PDLIM7: variants seen among roughly 807,000 people sequenced by gnomAD.
PDLIM7 encodes the protein PDZ and LIM domain 7.
A neutral mutation model predicts 53.9 loss-of-function variants in PDLIM7; 37 were observed. The observed-to-expected ratio is 0.69, with a 90% CI of 0.53 to 0.90. The LOEUF is 0.90. Ranked by LOEUF, PDLIM7 falls within the 40% of genes least tolerant of loss-of-function variation. The pLI is 0.00. For synonymous variants in PDLIM7, 300 were observed against 261.3 expected, an observed-to-expected ratio of 1.15 and a Z score of -1.43; for missense variants, 617 against 638.5, an observed-to-expected ratio of 0.97 and a Z score of 0.36.
rs779365845 is a variant in PDLIM7, at chr5:177,496,525, TGAGAG to T, written c.-11-7_-11-3del. 5.7e-6 allele frequency: 9 copies of T among 1,574,212 alleles called. No individual in the cohort carries two copies. The highest frequency in any genetic ancestry group is 1.8e-5 in the Admixed American group (1 of 54,776). On this transcript the variant is annotated splice_region_variant and splice_polypyrimidine_tract_variant and intron_variant, in intron 1 of 12. Coordinates refer to ENST00000355841, the MANE Select transcript of PDLIM7 (RefSeq NM_005451.5). The stretch of plus-strand genomic sequence containing the variant: ...TGAAGGAATCCATGATGCCGGCTCC[TGAGAG>T]GAGAGAAGAGAAGGTGAGTGGCCAG...
intron 10 of PDLIM7, 57 bp from the exon 11 acceptor site, chr5:177,484,247 T>G (rs1581749625): frequency 6.3e-7 from 1 of 1,598,226 alleles, no homozygotes; most frequent in Non-Finnish European, 8.5e-7. Context: ...CTGCCCTGGG[T>G]CACGGGAACA....
At chr5:177,492,498 G>A (rs374975976) in intron 3 of PDLIM7, 28 bp downstream of exon 3, 23 of 1,613,564 alleles carry the variant, frequency 1.4e-5, no homozygotes, top group African/African-American at 6.7e-5. Flanking sequence ...GCCAGCGCGG[G>A]CGCACCCATC....
chr5:177,493,723 G>A (rs576604388), intron 2 of PDLIM7, among the ~76,000 whole-genome samples: 44 of 152,234 alleles, frequency 2.9e-4, no homozygotes, highest in African/African-American at 1.0e-3. Context: ...GCTTGACTGG[G>A]TCCAAGCCTA....
chr5:177,496,375 G>A (rs751882127), intron 2 of PDLIM7, 42 bp downstream of exon 2: 51 of 1,457,380 alleles, frequency 3.5e-5, no homozygotes, highest in South Asian at 3.0e-4. Flanking sequence ...CCTAAGCACC[G>A]AAAGACCGCT....
At chr5:177,490,417 T>C in intron 7 of PDLIM7, 1 of 1,506,752 alleles carries the variant, frequency 6.6e-7, no homozygotes, top group South Asian at 1.2e-5. Context: ...AGGCAGAAGC[T>C]GGAGGCACTA....
intron 5 of PDLIM7, chr5:177,491,545 T>G (rs1273024887): frequency 8.6e-6 from 7 of 814,492 alleles, no homozygotes; most frequent in Non-Finnish European, 1.5e-5. Context: ...GGGGCTCAGC[T>G]GGCCCGACAC....
chr5:177,491,800 G>A lies in PDLIM7; in HGVS notation c.398+7C>T, dbSNP rs1404085339. On this transcript the variant is annotated splice_region_variant and intron_variant, in intron 5 of 12. Transcript: ENST00000355841. Reference sequence around the variant, plus strand: ...GCGTGGGCGCGGGCGGGCAGGGGCCGACGTACCCATTCTGCTGCGGGGCGC... The same window carrying A: ...GCGTGGGCGCGGGCGGGCAGGGGCCAACGTACCCATTCTGCTGCGGGGCGC... The A allele has an allele frequency of 9.6e-6, 12 of 1,245,240 alleles. No homozygotes were observed. In the African/African-American group the frequency reaches 1.7e-4, roughly 18 times the overall value. 77.1% of individuals were successfully genotyped at this position (1,245,240 alleles called of 1,614,324 possible).
At chr5:177,484,261 G>A (rs1030406430) in intron 10 of PDLIM7, 71 bp from the exon 11 acceptor site, 36 of 1,582,148 alleles carry the variant, frequency 2.3e-5, no homozygotes, top group Admixed American at 3.4e-5. Flanking sequence ...GGGAACACAG[G>A]AGGGCTGGCC....
rs573434723 is a variant in PDLIM7 at position 177,490,712 on chromosome 5, G to GGGAAGGAAGGAA, written c.572+146_572+157dup. On this transcript the variant is annotated intron_variant, in intron 7 of 12. Transcript: ENST00000355841. Reference sequence around the variant, plus strand: ...AATGAAAGAAGGAAGGAAGGAGGAAGGGAAGGAAGGAAGGAAGGAAGGAAG... The same window carrying GGGAAGGAAGGAA: ...AATGAAAGAAGGAAGGAAGGAGGAAGGGAAGGAAGGAAGGAAGGAAGGAAGGAAGGAAGGAAG... The GGGAAGGAAGGAA allele has an allele frequency of 4.6e-4, 292 of 631,010 alleles. 1 individual carries two copies. The African/African-American group carries it at 5.4e-3, about 12-fold the overall frequency. The allele number at this position is 631,010 out of a possible 1,614,324, so 39.1% of individuals were successfully genotyped here. A position where few individuals can be genotyped will look rare whatever the true frequency, so the allele number is the denominator to read the frequency against.
At position 177,497,542 on chromosome 5, in the gene PDLIM7, C is replaced by T. The variant is rs901804470; in HGVS notation, c.-26G>A. On this transcript the variant is annotated 5_prime_UTR_variant, in exon 1 of 13. Transcript: ENST00000355841. ...GTCGTCGATACCTGCTTGGCCCGGC[C>T]AGGGCGCTGCTCTGCGTCGGGCTCC... 2.6e-5 allele frequency: 4 copies of T among 152,356 alleles called. No individual in the cohort carries two copies. Among genetic ancestry groups the T allele is most frequent in the African/African-American group, 9.6e-5 (4 of 41,468 alleles). 9.4% of individuals were successfully genotyped at this position (152,356 alleles called of 1,614,324 possible).
intron 5 of PDLIM7, 35 bp from the exon 6 acceptor site, chr5:177,491,181 G>A: frequency 1.9e-6 from 3 of 1,576,056 alleles, no homozygotes; most frequent in Non-Finnish European, 2.6e-6. Context: ...CCCCACACTG[G>A]GGGTGGGCGG....
At chr5:177,487,986 G>GT in intron 10 of PDLIM7, 82 bp downstream of exon 10, 1 of 1,403,780 alleles carries the variant, frequency 7.1e-7, no homozygotes, top group Non-Finnish European at 9.7e-7. Flanking sequence ...CTCGGGGAGA[G>GT]ACCTGGACTG....
At chr5:177,490,698 G>A (rs1189001073) in intron 7 of PDLIM7, 172 bp downstream of exon 7, 1 of 944,988 alleles carries the variant, frequency 1.1e-6, no homozygotes, top group African/African-American at 1.7e-5. Context: ...ATGAAAGAAG[G>A]AAGGAAGGAG....
At position 177,492,426 on chromosome 5, in the gene PDLIM7, C is replaced by A; in HGVS notation, c.258G>T (p.Pro86=). The change falls in exon 4 of 13, where the codon CCG becomes CCT. Residue 86 remains proline (P), a synonymous_variant. Coordinates refer to ENST00000355841, the MANE Select transcript of PDLIM7 (RefSeq NM_005451.5). ...RLSLGLSRAQ[P]VQSKPQKASA... ...GTACCTTCTGCGGTTTGCTCTGAAC[C>A]GGCTGGGCCCTGGAGGAGAAGGAAA... 1 of 1,613,606 alleles carries A rather than the reference C, an allele frequency of 6.2e-7. No homozygotes were observed. The highest frequency in any genetic ancestry group is 8.5e-7 in the Non-Finnish European group (1 of 1,179,760).
In PDLIM7 at chr5:177,483,733, A is replaced by G. The variant is rs1480695633; in HGVS notation, c.1288-3T>C. On this transcript the variant is annotated splice_region_variant and splice_polypyrimidine_tract_variant and intron_variant, in intron 12 of 12. Coordinates refer to ENST00000355841, the MANE Select transcript of PDLIM7 (RefSeq NM_005451.5). ...CCTTCCAGGTTGATCTGACATATCT[A>G]AGGACAGCAAAGGCCCAGTCACATG... The G allele has an allele frequency of 6.2e-7, 1 of 1,609,910 alleles. No individual in the cohort carries two copies. The highest frequency in any genetic ancestry group is 1.3e-5 in the African/African-American group (1 of 74,826).
intron 7 of PDLIM7, chr5:177,490,449 G>A (rs1311745451): frequency 2.0e-6 from 3 of 1,536,444 alleles, no homozygotes; most frequent in South Asian, 1.2e-5. Context: ...TGGGCAGGAG[G>A]AACAGAAAGA....
In PDLIM7 at chr5:177,496,519, G is replaced by C. The variant is rs142330134; in HGVS notation, c.-7C>G. ...CTACTTTGAAGGAATCCATGATGCC[G>C]GCTCCTGAGAGGAGAGAAGAGAAGG... On this transcript the variant is annotated 5_prime_UTR_variant, in exon 2 of 13. Transcript: ENST00000355841. 1.9e-6 allele frequency: 3 copies of C among 1,581,786 alleles called. No homozygotes were observed. Among genetic ancestry groups the C allele is most frequent in the Non-Finnish European group, 1.7e-6 (2 of 1,164,176 alleles).
In PDLIM7 at chr5:177,483,852, G is replaced by A. The variant is rs774253174; in HGVS notation, c.1287+15C>T. On this transcript the variant is annotated intron_variant, in intron 12 of 12. Coordinates refer to ENST00000355841, the MANE Select transcript of PDLIM7 (RefSeq NM_005451.5). ...CGGTGGGCTTGGGGCTCAGTTCGAGGGGCGGGGCTCTCACCGCACAGACGA... is the reference window on the plus strand; with the variant it reads ...CGGTGGGCTTGGGGCTCAGTTCGAGAGGCGGGGCTCTCACCGCACAGACGA... The A allele has an allele frequency of 6.2e-6, 10 of 1,610,106 alleles. No individual in the cohort carries two copies. The highest frequency in any genetic ancestry group is 1.3e-5 in the African/African-American group (1 of 74,830).
chr5:177,496,465 G>A lies in PDLIM7; in HGVS notation c.48C>T (p.Phe16=). Residue 16 remains phenylalanine (F), a synonymous_variant, in exon 2 of 13, where the codon TTC becomes TTT. Transcript: ENST00000355841. ...TGAAGTCCTTGCCCCCTTGCAGCCG[G>A]AAGCCCCAAGGTGCTGGCCCCTCCA... ...VVLEGPAPWG[F]RLQGGKDFNV... 6.2e-7 allele frequency: 1 copy of A among 1,605,582 alleles called. No homozygotes were observed. The highest frequency in any genetic ancestry group is 1.1e-5 in the South Asian group (1 of 89,648).
Sources: allele counts gnomAD v4.1 joint callset (sites outside exome capture counted in the v4.1 genomes callset), GRCh38; gene constraint gnomAD v4.1.1; transcripts MANE v1.5; gene names NCBI Gene and HGNC (gene_info 2026-07-23, HGNC 2026-07-21).